The following CTNNA3 variants were observed in gnomAD, a reference collection of about 807,000 sequenced individuals.
CTNNA3 encodes the protein catenin alpha-3.
In CTNNA3, 76 loss-of-function variants were observed where a neutral mutation model predicts 95.7. That is an observed-to-expected ratio of 0.79 (90% CI 0.66 to 0.96). The LOEUF (loss-of-function observed/expected upper bound fraction) is 0.96, where lower values mean the gene tolerates loss of function less well. CTNNA3 is among the 40% of genes least tolerant of loss of function. The pLI, the probability that CTNNA3 is intolerant of heterozygous loss-of-function variation, is 0.00. For missense variants in CTNNA3, 1,191 were observed against 1,089.8 expected, an observed-to-expected ratio of 1.09 and a Z score of -1.31; for synonymous variants, 431 against 374.4, an observed-to-expected ratio of 1.15 and a Z score of -1.74.
intron 12 of CTNNA3, 151 bp from the exon 13 acceptor site, chr10:66,280,772 T>C (rs183252670): frequency 1.8e-6 from 1 of 562,268 alleles, no homozygotes; most frequent in East Asian, 3.4e-5. Flanking sequence ...ACACAAATTT[T>C]AGCAGGATTA....
At chr10:67,445,512 C>T (rs1846713506) in intron 5 of CTNNA3, among the ~76,000 whole-genome samples, 1 of 152,036 alleles carries the variant, frequency 6.6e-6, no homozygotes. Context: ...TACTGCAACC[C>T]ACTTCCATGA....
At chr10:66,602,228 C>T (rs1040385256) in intron 10 of CTNNA3, among the ~76,000 whole-genome samples, 12 of 151,866 alleles carry the variant, frequency 7.9e-5, no homozygotes, top group Non-Finnish European at 1.6e-4. Context: ...GTCAGACATT[C>T]TCCATTTGGT....
Position 67,451,958 on chromosome 10 carries a change from T to C in CTNNA3, c.579+69884A>G, listed in dbSNP as rs116928718. Among the ~76,000 whole-genome samples the C allele has an allele frequency of 5.0e-3, 761 of 151,908 alleles. 6 individuals carry two copies. The highest frequency in any genetic ancestry group is 0.02 in the Middle Eastern group (6 of 294). On this transcript the variant is annotated intron_variant, in intron 5 of 17. Transcript: ENST00000433211. ...CATACACAATGTACAATGATCCGTG[T>C]TGTGATAACTACATGCAAACACATA...
intron 9 of CTNNA3, among the ~76,000 whole-genome samples, chr10:66,708,361 C>T (rs992714436): frequency 2.0e-5 from 3 of 151,964 alleles, no homozygotes; most frequent in Non-Finnish European, 4.4e-5. Flanking sequence ...TCTTTGCTTG[C>T]GGGTGGCGGC....
At chr10:66,976,382 T>G (rs1156521059) in intron 7 of CTNNA3, among the ~76,000 whole-genome samples, 1 of 152,104 alleles carries the variant, frequency 6.6e-6, no homozygotes, top group Non-Finnish European at 1.5e-5. Context: ...AAGAAAAACA[T>G]GTCAAACATC....
At chr10:66,628,954 GA>G (rs1172399384) in intron 9 of CTNNA3, among the ~76,000 whole-genome samples, 1 of 152,080 alleles carries the variant, frequency 6.6e-6, no homozygotes, top group Non-Finnish European at 1.5e-5. Flanking sequence ...ATGATTATGT[GA>G]GGAGAAAAAG....
At chr10:67,128,685 TAG>T (rs1173169044) in intron 7 of CTNNA3, among the ~76,000 whole-genome samples, 1 of 152,128 alleles carries the variant, frequency 6.6e-6, no homozygotes, top group East Asian at 1.9e-4. Flanking sequence ...TTAAGTGAGG[TAG>T]AAATCAATAA....
At chr10:67,412,501 A>G (rs982368555) in intron 5 of CTNNA3, among the ~76,000 whole-genome samples, 1 of 152,218 alleles carries the variant, frequency 6.6e-6, no homozygotes, top group African/African-American at 2.4e-5. Context: ...CAAGAAATAC[A>G]GAGAATTTCA....
intron 13 of CTNNA3, among the ~76,000 whole-genome samples, chr10:66,158,254 G>A (rs2133925308): frequency 6.6e-6 from 1 of 152,168 alleles, no homozygotes; most frequent in South Asian, 2.1e-4. Context: ...ATGTCTAGAA[G>A]GGTTTTTCCG....
chr10:66,270,953 T>G (rs904112851), intron 13 of CTNNA3, among the ~76,000 whole-genome samples: 1 of 152,142 alleles, frequency 6.6e-6, no homozygotes, highest in Non-Finnish European at 1.5e-5. Context: ...TTCTTGAGAT[T>G]TATGTGTTTA....
chr10:67,143,424 T>TAAAA (rs1860685984), intron 7 of CTNNA3, among the ~76,000 whole-genome samples: 20 of 31,308 alleles, frequency 6.4e-4, no homozygotes, highest in Non-Finnish European at 1.0e-3. Flanking sequence ...AGGCTCTGTC[T>TAAAA]TAAAAAAAAA....
At chr10:66,532,610 T>G (rs2631217) in intron 10 of CTNNA3, among the ~76,000 whole-genome samples, 121,212 of 152,124 alleles carry the variant, frequency 0.8, 48,679 homozygotes, top group East Asian at 0.92. Context: ...AATTGTCAAA[T>G]GATTTTTGCT....
chr10:66,997,217 G>A (rs1161718206), intron 7 of CTNNA3, among the ~76,000 whole-genome samples: 1 of 152,120 alleles, frequency 6.6e-6, no homozygotes, highest in Non-Finnish European at 1.5e-5. Context: ...ATTTTCCATA[G>A]TTGTGACTCA....
chr10:66,602,143 T>C (rs141477579), intron 10 of CTNNA3, among the ~76,000 whole-genome samples: 1 of 151,850 alleles, frequency 6.6e-6, no homozygotes, highest in Non-Finnish European at 1.5e-5. Flanking sequence ...CATGACTGGG[T>C]ATAGAAGTTC....
intron 5 of CTNNA3, among the ~76,000 whole-genome samples, chr10:67,481,018 T>A (rs193106242): frequency 3.8e-4 from 58 of 152,324 alleles, no homozygotes; most frequent in Middle Eastern, 6.8e-3. Flanking sequence ...CAGTGTTAGA[T>A]TTTATTAAAA....
intron 7 of CTNNA3, among the ~76,000 whole-genome samples, chr10:66,832,674 T>G (rs897069739): frequency 6.6e-6 from 1 of 151,356 alleles, no homozygotes; most frequent in Non-Finnish European, 1.5e-5. Context: ...ATGACCCAAC[T>G]CAAAGTCACA....
Position 66,323,724 on chromosome 10 carries a change from C to T in CTNNA3, c.1733-43103G>A, listed in dbSNP as rs74423060. On this transcript the variant is annotated intron_variant, in intron 12 of 17. Transcript: ENST00000433211. ...GCCCCTACTCTCAAGCCTGGACACCCGTGGCCCTAAATGAGAACAGGCATT... is the reference window on the plus strand; with the variant it reads ...GCCCCTACTCTCAAGCCTGGACACCTGTGGCCCTAAATGAGAACAGGCATT... Among the ~76,000 whole-genome samples, 9 of 151,920 alleles carry T rather than the reference C, an allele frequency of 5.9e-5. 1 individual carries two copies. The East Asian group carries it at 7.8e-4, about 13-fold the overall frequency.
At chr10:67,406,601 G>A (rs1312332996) in intron 5 of CTNNA3, among the ~76,000 whole-genome samples, 3 of 151,520 alleles carry the variant, frequency 2.0e-5, no homozygotes, top group African/African-American at 7.3e-5. Context: ...ATAGAAACAT[G>A]AAAAACCTTT....
chr10:66,876,579 T>C (rs1844630646), intron 7 of CTNNA3, among the ~76,000 whole-genome samples: 1 of 152,132 alleles, frequency 6.6e-6, no homozygotes, highest in South Asian at 2.1e-4. Context: ...GCAAATCAAA[T>C]TTTAGAATAT....
Sources: gnomAD v4.1 joint callset for allele counts (sites outside exome capture counted in the v4.1 genomes callset) on GRCh38, gnomAD v4.1.1 for gene constraint, MANE v1.5 for transcripts, NCBI Gene and HGNC (gene_info 2026-07-23, HGNC 2026-07-21) for gene names.